Variants in GLIS3 observed in about 807,000 individuals in gnomAD.
GLIS3 encodes GLIS family zinc finger 3, also known as zinc finger protein GLIS3.
GLIS3 carries 53 observed loss-of-function variants against 78.6 expected under a neutral mutation model. That is an observed-to-expected ratio of 0.67 (90% CI 0.54 to 0.85). The LOEUF is 0.85. GLIS3 is among the 40% of genes least tolerant of loss of function. The pLI is 0.00. For synonymous variants in GLIS3, 684 were observed against 509.9 expected (o/e 1.34, Z -4.60); for missense variants, 1,703 against 1,231.1 (o/e 1.38, Z -5.74).
At chr9:4,109,571 C>G (rs536600660) in intron 4 of GLIS3, among the ~76,000 whole-genome samples, 1 of 152,280 alleles carries the variant, frequency 6.6e-6, no homozygotes, top group Admixed American at 6.5e-5. Flanking sequence ...TGGAGAAGAC[C>G]TGGGGAAGTC....
chr9:4,406,204 G>C, the GLIS3 span, among the ~76,000 whole-genome samples: 3 of 152,038 alleles, frequency 2.0e-5, no homozygotes, highest in Non-Finnish European at 4.4e-5. Flanking sequence ...ATTCAACGTA[G>C]TACTGGAAGT....
chr9:3,858,552 T>C (rs1819944118), intron 8 of GLIS3, among the ~76,000 whole-genome samples: 1 of 152,176 alleles, frequency 6.6e-6, no homozygotes, highest in African/African-American at 2.4e-5. Flanking sequence ...GGCTGAATTT[T>C]CCTCTATGTT....
chr9:4,103,546 C>A (rs1295034585), intron 4 of GLIS3, among the ~76,000 whole-genome samples: 1 of 152,266 alleles, frequency 6.6e-6, no homozygotes, highest in East Asian at 1.9e-4. Context: ...CTGTTTGAAT[C>A]CTCTCAACAC....
chr9:4,063,752 G>C (rs1201792290), intron 4 of GLIS3, among the ~76,000 whole-genome samples: 4 of 152,066 alleles, frequency 2.6e-5, no homozygotes, highest in African/African-American at 9.7e-5. Context: ...GAAAAATTAA[G>C]GCAGATGAGA....
intron 8 of GLIS3, among the ~76,000 whole-genome samples, chr9:3,869,181 G>A (rs1726551598): frequency 6.6e-6 from 1 of 152,108 alleles, no homozygotes; most frequent in African/African-American, 2.4e-5. Context: ...TGCCGGGGTA[G>A]ATTTTGATAT....
intron 2 of GLIS3, among the ~76,000 whole-genome samples, chr9:4,207,842 G>C (rs967406973): frequency 1.3e-5 from 2 of 152,158 alleles, no homozygotes; most frequent in African/African-American, 4.8e-5. Flanking sequence ...AAAGCAAAGG[G>C]AATGATCTTT....
chr9:4,174,745 G>T (rs982270072), intron 2 of GLIS3, among the ~76,000 whole-genome samples: 1 of 152,162 alleles, frequency 6.6e-6, no homozygotes. Flanking sequence ...GGAGATGTGT[G>T]CCAATCTCAT....
chr9:4,053,879 A>G (rs1005783401), intron 4 of GLIS3, among the ~76,000 whole-genome samples: 10 of 152,096 alleles, frequency 6.6e-5, no homozygotes. Context: ...AGACCATCAA[A>G]CACGGCAATC....
At chr9:4,439,246 T>C in the GLIS3 span, among the ~76,000 whole-genome samples, 1 of 152,214 alleles carries the variant, frequency 6.6e-6, no homozygotes, top group Non-Finnish European at 1.5e-5. Context: ...TTTTAAAATG[T>C]TTATTGAGAT....
intron 3 of GLIS3, among the ~76,000 whole-genome samples, chr9:4,125,382 G>A (rs1832492329): frequency 6.6e-6 from 1 of 152,148 alleles, no homozygotes; most frequent in African/African-American, 2.4e-5. Flanking sequence ...TAAGATAGGT[G>A]TACATGGACC....
intron 6 of GLIS3, among the ~76,000 whole-genome samples, chr9:3,923,159 G>C (rs1003173200): frequency 6.6e-6 from 1 of 152,182 alleles, no homozygotes; most frequent in African/African-American, 2.4e-5. Context: ...CAAACTAATT[G>C]CCTTGTCTCC....
chr9:4,262,849 T>C (rs1825651838), intron 2 of GLIS3, among the ~76,000 whole-genome samples: 1 of 150,916 alleles, frequency 6.6e-6, no homozygotes, highest in South Asian at 2.1e-4. Flanking sequence ...AGGAATGTAG[T>C]GATCTAGTGT....
chr9:4,248,576 A>C (rs973248868), intron 2 of GLIS3, among the ~76,000 whole-genome samples: 1 of 152,172 alleles, frequency 6.6e-6, no homozygotes, highest in Non-Finnish European at 1.5e-5. Context: ...TTGTAGTAGA[A>C]TGATTTATAA....
intron 2 of GLIS3, among the ~76,000 whole-genome samples, chr9:4,165,922 G>C (rs1050908925): frequency 1.3e-5 from 2 of 152,222 alleles, no homozygotes; most frequent in African/African-American, 2.4e-5. Context: ...CTGCAAACAA[G>C]GGAGAGAAAG....
At chr9:4,059,854 G>GAGAGAGAT (rs1826494884) in intron 4 of GLIS3, among the ~76,000 whole-genome samples, 1 of 151,298 alleles carries the variant, frequency 6.6e-6, no homozygotes, top group South Asian at 2.1e-4. Context: ...GAGAGAGAGA[G>GAGAGAGAT]AGAGAGAGAG....
intron 2 of GLIS3, among the ~76,000 whole-genome samples, chr9:4,203,371 T>C (rs1586965590): frequency 6.6e-6 from 1 of 152,234 alleles, no homozygotes; most frequent in African/African-American, 2.4e-5. Flanking sequence ...GCTTATATGC[T>C]GTCAGTGGGA....
At chr9:4,169,688 A>T (rs1001760678) in intron 2 of GLIS3, among the ~76,000 whole-genome samples, 1 of 152,198 alleles carries the variant, frequency 6.6e-6, no homozygotes, top group African/African-American at 2.4e-5. Context: ...TAACGTATTT[A>T]GGGGTAAAAG....
intron 4 of GLIS3, among the ~76,000 whole-genome samples, chr9:4,116,917 AG>A (rs1001945950): frequency 6.6e-6 from 1 of 152,206 alleles, no homozygotes; most frequent in African/African-American, 2.4e-5. Flanking sequence ...TGTGATCCCA[AG>A]GGTGATGCCC....
At chr9:4,084,280 CACACACACACACACA>C (rs1828820199) in intron 4 of GLIS3, among the ~76,000 whole-genome samples, 1 of 138,230 alleles carries the variant, frequency 7.2e-6, no homozygotes, top group Non-Finnish European at 1.6e-5. Context: ...CACACACACA[CACACACACACACACA>C]AATTCCTAGC....
Sources: allele counts gnomAD v4.1 joint callset (sites outside exome capture counted in the v4.1 genomes callset), GRCh38; gene constraint gnomAD v4.1.1; transcripts MANE v1.5; gene names NCBI Gene and HGNC (gene_info 2026-07-23, HGNC 2026-07-21).